The following PAPPA2 variants were observed in gnomAD, a reference collection of about 807,000 sequenced individuals.
PAPPA2 encodes the protein pappalysin-2.
PAPPA2 carries 86 observed loss-of-function variants against 176.4 expected under a neutral mutation model. The observed-to-expected ratio is 0.49, with a 90% CI of 0.41 to 0.58. PAPPA2 has a LOEUF of 0.58. PAPPA2 is among the 20% of genes least tolerant of loss of function. PAPPA2 has a pLI of 0.00. For synonymous variants in PAPPA2, 809 were observed against 852.2 expected (o/e 0.95, Z 0.88); for missense variants, 2,073 against 2,256.9 (o/e 0.92, Z 1.65).
At chr1:176,755,964 A>G (rs902552466) in intron 14 of PAPPA2, among the ~76,000 whole-genome samples, 1 of 152,050 alleles carries the variant, frequency 6.6e-6, no homozygotes, top group African/African-American at 2.4e-5. Flanking sequence ...TTTACAAATT[A>G]TTATTATTAT....
chr1:176,652,010 C>T (rs949496151), intron 3 of PAPPA2, among the ~76,000 whole-genome samples: 2 of 151,354 alleles, frequency 1.3e-5, no homozygotes, highest in African/African-American at 4.8e-5. Context: ...ATGTCAATCT[C>T]TTTGTTAATT....
intron 1 of PAPPA2, among the ~76,000 whole-genome samples, chr1:176,540,869 CTTCTGAGTTCT>C (rs1356018033): frequency 4.6e-5 from 7 of 152,170 alleles, no homozygotes; most frequent in Non-Finnish European, 1.0e-4. Context: ...CCCACCATGG[CTTCTGAGTTCT>C]TACTGGCTTA....
chr1:176,638,934 A>G (rs866830619), intron 3 of PAPPA2, among the ~76,000 whole-genome samples: 30 of 115,856 alleles, frequency 2.6e-4, no homozygotes, highest in East Asian at 1.8e-3. Flanking sequence ...GTGCATGTGC[A>G]TGTGCGTGTG....
At chr1:176,811,668 C>T (rs1666154927) in intron 21 of PAPPA2, among the ~76,000 whole-genome samples, 1 of 152,156 alleles carries the variant, frequency 6.6e-6, no homozygotes, top group South Asian at 2.1e-4. Context: ...CTTCCAGGCT[C>T]ACTACCTGCC....
intron 8 of PAPPA2, among the ~76,000 whole-genome samples, chr1:176,700,832 A>T (rs1002100255): frequency 3.3e-5 from 5 of 152,196 alleles, no homozygotes; most frequent in Non-Finnish European, 5.9e-5. Flanking sequence ...GCAGTCTACC[A>T]TAGCTACAGA....
chr1:176,602,879 G>T (rs1356257334), intron 3 of PAPPA2, among the ~76,000 whole-genome samples: 3 of 152,128 alleles, frequency 2.0e-5, no homozygotes, highest in African/African-American at 7.2e-5. Flanking sequence ...AAATAGAAAT[G>T]TCTCCTGTTT....
intron 12 of PAPPA2, among the ~76,000 whole-genome samples, chr1:176,732,783 T>C (rs560304016): frequency 1.1e-4 from 16 of 152,234 alleles, no homozygotes; most frequent in Middle Eastern, 6.8e-3. Context: ...AGTAAGATAA[T>C]TGATGTTCAA....
intron 7 of PAPPA2, among the ~76,000 whole-genome samples, chr1:176,696,835 G>A (rs895308694): frequency 7.2e-5 from 11 of 152,242 alleles, no homozygotes; most frequent in African/African-American, 2.7e-4. Context: ...TGGTCTGAGA[G>A]TCTGCAGTAT....
chr1:176,778,698 A>G (rs1460429757), intron 17 of PAPPA2, among the ~76,000 whole-genome samples: 4 of 152,178 alleles, frequency 2.6e-5, no homozygotes, highest in Non-Finnish European at 5.9e-5. Flanking sequence ...ACTTATATAC[A>G]CATGTTCTAT....
At chr1:176,581,922 C>CTTTTTTTTTTTTTTTTTTTTTTT (rs538920194) in intron 2 of PAPPA2, among the ~76,000 whole-genome samples, 2 of 80,996 alleles carry the variant, frequency 2.5e-5, no homozygotes, top group African/African-American at 5.8e-5. Context: ...TTCTTTCTTT[C>CTTTTTTTTTTTTTTTTTTTTTTT]TTTTTTTTTT....
intron 2 of PAPPA2, among the ~76,000 whole-genome samples, chr1:176,584,273 T>C (rs1224826209): frequency 6.6e-6 from 1 of 152,172 alleles, no homozygotes; most frequent in Non-Finnish European, 1.5e-5. Context: ...GGGGTCTAGC[T>C]CTACCTTTAG....
chr1:176,739,222 A>G (rs1662557918), intron 12 of PAPPA2, among the ~76,000 whole-genome samples: 1 of 152,188 alleles, frequency 6.6e-6, no homozygotes, highest in African/African-American at 2.4e-5. Flanking sequence ...GCAAGATGCT[A>G]GTTTGATGAT....
chr1:176,816,699 T>G (rs568028508), intron 21 of PAPPA2, among the ~76,000 whole-genome samples: 74 of 152,254 alleles, frequency 4.9e-4, no homozygotes, highest in Non-Finnish European at 7.1e-4. Flanking sequence ...AATTCAAGTG[T>G]TCACACTTTG....
intron 4 of PAPPA2, among the ~76,000 whole-genome samples, chr1:176,687,779 T>C (rs1659913417): frequency 6.6e-6 from 1 of 152,140 alleles, no homozygotes. Flanking sequence ...GTTTGTTGGA[T>C]TGTGCTCTGA....
chr1:176,500,603 A>G (rs1350489424), intron 1 of PAPPA2, among the ~76,000 whole-genome samples: 1 of 151,548 alleles, frequency 6.6e-6, no homozygotes, highest in Non-Finnish European at 1.5e-5. Flanking sequence ...ACTGTTTGCA[A>G]TAACACTTGT....
At chr1:176,529,045 T>G (rs942641686) in intron 1 of PAPPA2, among the ~76,000 whole-genome samples, 1 of 152,212 alleles carries the variant, frequency 6.6e-6, no homozygotes, top group Non-Finnish European at 1.5e-5. Flanking sequence ...CATTTTATTT[T>G]GTAGCCTCCA....
intron 1 of PAPPA2, among the ~76,000 whole-genome samples, chr1:176,482,850 A>G (rs1367361933): frequency 3.3e-5 from 5 of 152,170 alleles, no homozygotes; most frequent in Non-Finnish European, 2.9e-5. Flanking sequence ...ACAGTAACCA[A>G]GAAGTGTGGC....
intron 1 of PAPPA2, among the ~76,000 whole-genome samples, chr1:176,525,018 G>A (rs894341278): frequency 6.6e-6 from 1 of 152,156 alleles, no homozygotes; most frequent in Non-Finnish European, 1.5e-5. Context: ...CTCCAGCCTG[G>A]CCTACAGAAG....
At chr1:176,505,658 A>G (rs1648215762) in intron 1 of PAPPA2, among the ~76,000 whole-genome samples, 1 of 151,992 alleles carries the variant, frequency 6.6e-6, no homozygotes, top group Admixed American at 6.6e-5. Flanking sequence ...ATTCATATGG[A>G]ACAGCAACAA....
Sources: allele counts gnomAD v4.1 joint callset (sites outside exome capture counted in the v4.1 genomes callset), GRCh38; gene constraint gnomAD v4.1.1; transcripts MANE v1.5; gene names NCBI Gene and HGNC (gene_info 2026-07-23, HGNC 2026-07-21).